STAU2: variants seen among roughly 807,000 people sequenced by gnomAD.
The protein encoded by STAU2 is double-stranded RNA-binding protein Staufen homolog 2.
A neutral mutation model predicts 65.9 loss-of-function variants in STAU2; 20 were observed. The observed-to-expected ratio is 0.30, with a 90% CI of 0.21 to 0.44. STAU2 has a LOEUF of 0.44. STAU2 is among the 20% of genes least tolerant of loss of function. The pLI, the probability that STAU2 is intolerant of heterozygous loss-of-function variation, is 1.00. For missense variants in STAU2, 558 were observed against 683.9 expected (o/e 0.82, Z 2.05); for synonymous variants, 232 against 233.9 (o/e 0.99, Z 0.07).
chr8:73,454,058 C>CA (rs5892418), intron 13 of STAU2, among the ~76,000 whole-genome samples: 7 of 150,894 alleles, frequency 4.6e-5, no homozygotes, highest in African/African-American at 1.5e-4. Flanking sequence ...ATATTTTTTA[C>CA]AAAAAAAAAT....
intron 4 of STAU2, among the ~76,000 whole-genome samples, chr8:73,690,695 G>A (rs888401534): frequency 9.2e-5 from 14 of 152,182 alleles, no homozygotes; most frequent in South Asian, 4.1e-4. Flanking sequence ...ATTAACGATC[G>A]GTGAATCTAA....
At chr8:73,684,607 A>G (rs902292555) in intron 5 of STAU2, among the ~76,000 whole-genome samples, 3 of 152,174 alleles carry the variant, frequency 2.0e-5, no homozygotes, top group African/African-American at 7.2e-5. Context: ...AGATAAACAG[A>G]TGGGACTTAA....
chr8:73,605,743 C>T (rs566322851), intron 9 of STAU2, among the ~76,000 whole-genome samples: 1 of 151,754 alleles, frequency 6.6e-6, no homozygotes, highest in Non-Finnish European at 1.5e-5. Flanking sequence ...AAAACTATGG[C>T]ATTCAAGACA....
chr8:73,582,648 T>C (rs1810073304), intron 12 of STAU2, 122 bp downstream of exon 12: 7 of 821,440 alleles, frequency 8.5e-6, no homozygotes, highest in Admixed American at 6.7e-5. Context: ...GACTCCTTTG[T>C]ACCCTCCAAA....
chr8:73,434,713 C>T (rs990271874), intron 13 of STAU2, among the ~76,000 whole-genome samples: 4 of 151,930 alleles, frequency 2.6e-5, no homozygotes, highest in African/African-American at 9.7e-5. Flanking sequence ...CTTTTGCTCT[C>T]TCTTGAGTCC....
At chr8:73,671,955 G>A (rs1042427607) in intron 6 of STAU2, among the ~76,000 whole-genome samples, 5 of 152,066 alleles carry the variant, frequency 3.3e-5, no homozygotes, top group African/African-American at 1.2e-4. Flanking sequence ...AACCCGGGAG[G>A]CTGTGGGTGC....
chr8:73,557,364 TG>T (rs1563420518), intron 12 of STAU2, among the ~76,000 whole-genome samples: 1 of 152,212 alleles, frequency 6.6e-6, no homozygotes, highest in Non-Finnish European at 1.5e-5. Flanking sequence ...ACTTTTAACT[TG>T]AACATCAGTA....
chr8:73,561,444 G>A (rs1251563707), intron 12 of STAU2: 2 of 431,226 alleles, frequency 4.6e-6, no homozygotes, highest in African/African-American at 4.1e-5. Context: ...TCAATTTTTA[G>A]TTTATTTAAG....
intron 13 of STAU2, among the ~76,000 whole-genome samples, chr8:73,434,352 C>T (rs1817543181): frequency 6.6e-6 from 1 of 151,788 alleles, no homozygotes; most frequent in African/African-American, 2.4e-5. Context: ...AGTGAGACAC[C>T]TGTCTGACTT....
At chr8:73,478,494 T>TC (rs1314138867) in intron 13 of STAU2, among the ~76,000 whole-genome samples, 2 of 147,514 alleles carry the variant, frequency 1.4e-5, no homozygotes, top group Non-Finnish European at 3.0e-5. Context: ...GTTTTTTTTT[T>TC]CCCCTCCACT....
chr8:73,601,069 T>C (rs112552663), intron 10 of STAU2, among the ~76,000 whole-genome samples: 1,771 of 152,280 alleles, frequency 0.012, 34 homozygotes, highest in African/African-American at 0.04. Flanking sequence ...GGTCTCTACA[T>C]TTAAATGTTA....
chr8:73,651,257 G>A, intron 6 of STAU2: 5 of 688,894 alleles, frequency 7.3e-6, no homozygotes, highest in South Asian at 1.6e-5. Context: ...GCTGGGTTGA[G>A]GAAAGGGCCA....
At chr8:73,579,265 C>T (rs1340826858) in intron 12 of STAU2, among the ~76,000 whole-genome samples, 1 of 152,170 alleles carries the variant, frequency 6.6e-6, no homozygotes, top group East Asian at 1.9e-4. Context: ...CAGCATATTT[C>T]ACAGGGGCTA....
intron 6 of STAU2, among the ~76,000 whole-genome samples, chr8:73,657,383 C>G (rs1012803466): frequency 6.6e-6 from 1 of 151,960 alleles, no homozygotes; most frequent in Non-Finnish European, 1.5e-5. Flanking sequence ...AAAAATAAAC[C>G]TTTTATTAAG....
At chr8:73,498,489 C>A (rs896444959) in intron 13 of STAU2, among the ~76,000 whole-genome samples, 1 of 151,324 alleles carries the variant, frequency 6.6e-6, no homozygotes, top group African/African-American at 2.4e-5. Context: ...AAACTTTTAT[C>A]CTGATTCTGA....
intron 13 of STAU2, among the ~76,000 whole-genome samples, chr8:73,509,656 G>A (rs779231896): frequency 7.9e-5 from 12 of 151,934 alleles, no homozygotes; most frequent in Non-Finnish European, 1.3e-4. Context: ...GGTGTAAATC[G>A]TAACTTTCTT....
intron 13 of STAU2, among the ~76,000 whole-genome samples, chr8:73,523,055 G>T (rs1353582752): frequency 2.0e-5 from 3 of 151,880 alleles, no homozygotes; most frequent in African/African-American, 4.8e-5. Flanking sequence ...AATTAGTCAG[G>T]TGTGGTGGCG....
At chr8:73,658,502 A>C (rs1816560120) in intron 6 of STAU2, among the ~76,000 whole-genome samples, 1 of 152,252 alleles carries the variant, frequency 6.6e-6, no homozygotes, top group Non-Finnish European at 1.5e-5. Flanking sequence ...GATCACCCAA[A>C]ATCTTACCCA....
rs1206818283 is a variant in STAU2 at position 73,628,973 on chromosome 8, T to C, written c.411-11522A>G. On this transcript the variant is annotated intron_variant, in intron 6 of 14. Transcript: ENST00000524300. ...TACTCCCAAAAGTAACATGGAGACA[T>C]TACATCAGCGGTATTGCAGAAAGAT... Among the ~76,000 whole-genome samples, 3 of 152,226 alleles carry C rather than the reference T, an allele frequency of 2.0e-5. No individual in the cohort carries two copies. In the East Asian group the frequency reaches 5.8e-4, roughly 29 times the overall value.
Sources: allele counts gnomAD v4.1 joint callset (sites outside exome capture counted in the v4.1 genomes callset), GRCh38; gene constraint gnomAD v4.1.1; transcripts MANE v1.5; gene names NCBI Gene and HGNC (gene_info 2026-07-23, HGNC 2026-07-21).